Variants in ASB3 observed in about 807,000 individuals in gnomAD.
ASB3 encodes the protein ankyrin repeat and SOCS box containing 3.
A neutral mutation model predicts 54.5 loss-of-function variants in ASB3; 41 were observed. The ratio of observed to expected loss-of-function variants is 0.75; its 90% CI spans 0.59 to 0.98. ASB3 has a LOEUF of 0.98. Ranked by LOEUF, ASB3 falls within the 50% of genes least tolerant of loss-of-function variation. ASB3 has a pLI of 0.00. For missense variants in ASB3, 733 were observed against 620.0 expected, an observed-to-expected ratio of 1.18 and a Z score of -1.94; for synonymous variants, 266 against 221.2, an observed-to-expected ratio of 1.20 and a Z score of -1.80.
intron 3 of ASB3, among the ~76,000 whole-genome samples, chr2:53,735,816 C>T (rs1671595472): frequency 1.3e-5 from 2 of 151,952 alleles, no homozygotes; most frequent in South Asian, 4.1e-4. Flanking sequence ...AATAAAACAA[C>T]TGAAACTGCA....
intron 3 of ASB3, among the ~76,000 whole-genome samples, chr2:53,744,272 T>C (rs1672100856): frequency 6.7e-6 from 1 of 149,478 alleles, no homozygotes; most frequent in Non-Finnish European, 1.5e-5. Flanking sequence ...TAATCCCAGC[T>C]ACTTGAGAGG....
rs976011665 is a variant in ASB3 at position 53,733,665 on chromosome 2, C to T, written c.356-4095G>A. ...CCATTTTGGCCAGGCTGGTCTTGAA[C>T]TCCTGACCTCATATAATCCGCCCAC... On this transcript the variant is annotated intron_variant, in intron 3 of 9. Coordinates refer to ENST00000263634, the MANE Select transcript of ASB3 (RefSeq NM_016115.5). 6.6e-4 allele frequency among the ~76,000 whole-genome samples: 100 copies of T among 152,264 alleles called. 1 individual carries two copies. Among genetic ancestry groups the T allele is most frequent in the African/African-American group, 2.4e-3 (98 of 41,554 alleles).
chr2:53,778,017 C>T (rs1054647670), intron 1 of ASB3, among the ~76,000 whole-genome samples: 15 of 151,988 alleles, frequency 9.9e-5, no homozygotes, highest in Admixed American at 2.0e-4. Context: ...GGTGTGGTGG[C>T]GGGCACCTGT....
At chr2:53,765,300 A>C in intron 2 of ASB3, 77 bp downstream of exon 2, 1 of 1,565,318 alleles carries the variant, frequency 6.4e-7, no homozygotes, top group South Asian at 1.2e-5. Flanking sequence ...TACTGTTAAT[A>C]AGTTATGTAT....
intron 5 of ASB3, among the ~76,000 whole-genome samples, chr2:53,721,797 A>G (rs938513504): frequency 1.5e-4 from 23 of 152,268 alleles, no homozygotes; most frequent in African/African-American, 4.6e-4. Context: ...GAAAAAACAG[A>G]ACAAACTAAC....
intron 9 of ASB3, 49 bp downstream of exon 9, chr2:53,693,835 C>T (rs1441505777): frequency 6.3e-7 from 1 of 1,579,882 alleles, no homozygotes; most frequent in Non-Finnish European, 8.6e-7. Context: ...GCTAGAGAAG[C>T]AAGAGAAGGA....
intron 2 of ASB3, among the ~76,000 whole-genome samples, chr2:53,751,879 G>C (rs1379232733): frequency 6.6e-6 from 1 of 152,196 alleles, no homozygotes; most frequent in Non-Finnish European, 1.5e-5. Flanking sequence ...TAAAGGGCAA[G>C]ATAGAGTAGT....
intron 7 of ASB3, among the ~76,000 whole-genome samples, chr2:53,711,854 T>A (rs1670116620): frequency 6.6e-6 from 1 of 152,188 alleles, no homozygotes; most frequent in South Asian, 2.1e-4. Context: ...TCATAATCTA[T>A]CTGCTTTTGT....
intron 7 of ASB3, 51 bp downstream of exon 7, chr2:53,714,333 C>A (rs762350827): frequency 1.3e-6 from 2 of 1,594,064 alleles, no homozygotes. Context: ...CAAAACACAT[C>A]TCCATACAGC....
At chr2:53,726,915 A>T (rs1161895120) in intron 5 of ASB3, among the ~76,000 whole-genome samples, 6 of 152,078 alleles carry the variant, frequency 3.9e-5, no homozygotes, top group Non-Finnish European at 8.8e-5. Flanking sequence ...GCTGGTCTCA[A>T]GCTCCTGACC....
chr2:53,748,974 A>G (rs1672375853), intron 3 of ASB3, among the ~76,000 whole-genome samples: 1 of 152,110 alleles, frequency 6.6e-6, no homozygotes, highest in South Asian at 2.1e-4. Flanking sequence ...GTAGAAGTAA[A>G]GGAGCGTGAT....
chr2:53,738,720 G>A (rs556018821), intron 3 of ASB3, among the ~76,000 whole-genome samples: 1 of 152,206 alleles, frequency 6.6e-6, no homozygotes, highest in African/African-American at 2.4e-5. Flanking sequence ...GTCAAAGACA[G>A]AAAGATAAGG....
chr2:53,714,480 C>G lies in ASB3; in HGVS notation c.884G>C (p.Cys295Ser), dbSNP rs113646333. The change falls in exon 7 of 10, where the codon TGC (cysteine) becomes TCC (serine). Residue 295 changes from cysteine to serine, a missense_variant. Transcript: ENST00000263634. ...GCCATTCCGGAGTAATATTTCTAGGCAATCTTCATGTCCCCCAAACACTGC... is the reference window on the plus strand; with the variant it reads ...GCCATTCCGGAGTAATATTTCTAGGGAATCTTCATGTCCCCCAAACACTGC... ...YSAVFGGHEDCLEILLRNGYS... is the reference protein window; with the variant it reads ...YSAVFGGHEDSLEILLRNGYS... 1.2e-6 allele frequency: 2 copies of G among 1,614,118 alleles called. No homozygotes were observed. The highest frequency in any genetic ancestry group is 1.6e-4 in the Middle Eastern group (1 of 6,084).
At chr2:53,738,484 C>G (rs917096567) in intron 3 of ASB3, among the ~76,000 whole-genome samples, 7 of 152,036 alleles carry the variant, frequency 4.6e-5, no homozygotes, top group African/African-American at 1.7e-4. Flanking sequence ...TTCAATCAAA[C>G]CAGACAAACT....
intron 5 of ASB3, among the ~76,000 whole-genome samples, chr2:53,727,708 G>A (rs1270197458): frequency 6.6e-6 from 1 of 151,994 alleles, no homozygotes; most frequent in African/African-American, 2.4e-5. Flanking sequence ...TTTATAAAAA[G>A]CCTGGGTTTT....
At chr2:53,760,833 A>G (rs1673102586) in intron 2 of ASB3, among the ~76,000 whole-genome samples, 2 of 152,168 alleles carry the variant, frequency 1.3e-5, no homozygotes, top group African/African-American at 2.4e-5. Context: ...CTCCTTGTTA[A>G]GTTTGTCTCT....
intron 7 of ASB3, among the ~76,000 whole-genome samples, chr2:53,712,643 T>C (rs1188046803): frequency 6.6e-6 from 1 of 152,122 alleles, no homozygotes; most frequent in African/African-American, 2.4e-5. Flanking sequence ...ACTACACTTA[T>C]AAGGTGATGA....
intron 5 of ASB3, among the ~76,000 whole-genome samples, chr2:53,719,299 T>C (rs1424646076): frequency 1.3e-5 from 2 of 152,206 alleles, no homozygotes; most frequent in Admixed American, 1.3e-4. Context: ...CTCACGCCTA[T>C]AAGCCCAGAG....
intron 7 of ASB3, among the ~76,000 whole-genome samples, chr2:53,710,696 T>C (rs1010714417): frequency 6.6e-6 from 1 of 152,258 alleles, no homozygotes; most frequent in African/African-American, 2.4e-5. Flanking sequence ...CTGCAATTTC[T>C]GTTTTACCTT....
Sources: gnomAD v4.1 joint callset for allele counts (sites outside exome capture counted in the v4.1 genomes callset) on GRCh38, gnomAD v4.1.1 for gene constraint, MANE v1.5 for transcripts, NCBI Gene and HGNC (gene_info 2026-07-23, HGNC 2026-07-21) for gene names.